Variants in WDR4 observed in about 807,000 individuals in gnomAD.
The protein encoded by WDR4 is WDR4 tRNA N7-guanosine methyltransferase non-catalytic subunit, also known as tRNA (guanine-N(7)-)-methyltransferase non-catalytic subunit WDR4.
Under a neutral mutation model 48.6 loss-of-function variants are expected in WDR4, and 47 were observed. That is an observed-to-expected ratio of 0.97 (90% CI 0.77 to 1.23). The LOEUF (loss-of-function observed/expected upper bound fraction) is 1.23, where lower values mean the gene tolerates loss of function less well. WDR4 is among the 50% of genes most tolerant of loss of function. The pLI is 0.00. For missense variants in WDR4, 606 were observed against 551.6 expected, an observed-to-expected ratio of 1.10 and a Z score of -0.99; for synonymous variants, 268 against 230.0, an observed-to-expected ratio of 1.17 and a Z score of -1.49.
rs149392841 is a variant in WDR4, at chr21:42,855,719, G to T, written c.689C>A (p.Ala230Asp). 2 of 1,555,586 alleles carry T rather than the reference G, an allele frequency of 1.3e-6. No homozygotes were observed. The highest frequency in any genetic ancestry group is 1.7e-6 in the Non-Finnish European group (2 of 1,149,324). ...SGRQLHCCHL[A>D]SLQELVDPQA... ...GGGGTCCACCAGCTCCTGCAGACTGGCCAGGTGACAGCAGTGCAGCTGGCG... is the reference window on the plus strand; with the variant it reads ...GGGGTCCACCAGCTCCTGCAGACTGTCCAGGTGACAGCAGTGCAGCTGGCG... Residue 230 changes from alanine (A) to aspartate (D), a missense_variant, in exon 7 of 11, where the codon GCC becomes GAC. Coordinates refer to ENST00000398208, the MANE Select transcript of WDR4 (RefSeq NM_018669.6).
chr21:42,876,823 ATTTTT>A (rs71332377), intron 1 of WDR4, 56 bp from the exon 2 acceptor site: 1 of 1,285,242 alleles, frequency 7.8e-7, no homozygotes, highest in African/African-American at 1.5e-5. Flanking sequence ...GAAATAACAA[ATTTTT>A]TTTTTTTGAG....
intron 6 of WDR4, among the ~76,000 whole-genome samples, chr21:42,859,010 A>G (rs2058055497): frequency 6.6e-6 from 1 of 152,174 alleles, no homozygotes; most frequent in Non-Finnish European, 1.5e-5. Context: ...CAAAATCACT[A>G]ACAATCCTTC....
chr21:42,858,914 C>T (rs778329558), intron 6 of WDR4, among the ~76,000 whole-genome samples: 4 of 152,216 alleles, frequency 2.6e-5, no homozygotes, highest in East Asian at 1.9e-4. Flanking sequence ...GGAAGGACAG[C>T]GAAGAGGAAG....
At chr21:42,889,213 C>T in the WDR4 span, among the ~76,000 whole-genome samples, 1 of 152,106 alleles carries the variant, frequency 6.6e-6, no homozygotes, top group Non-Finnish European at 1.5e-5. Flanking sequence ...AAACTCCTGA[C>T]CTCAGAAGAT....
chr21:42,879,747 C>G, upstream of WDR4: 1 of 502,488 alleles, frequency 2.0e-6, no homozygotes, highest in African/African-American at 1.9e-5. Context: ...GCACTTCGCA[C>G]GATTCCAAGT....
intron 8 of WDR4, among the ~76,000 whole-genome samples, chr21:42,854,241 C>G (rs983999794): frequency 2.0e-5 from 3 of 152,250 alleles, no homozygotes; most frequent in Admixed American, 6.5e-5. Flanking sequence ...CCCATCCGAC[C>G]AGCCCCGAGC....
intron 3 of WDR4, among the ~76,000 whole-genome samples, chr21:42,864,129 A>T: frequency 6.9e-6 from 1 of 145,726 alleles, no homozygotes; most frequent in Non-Finnish European, 1.5e-5. Flanking sequence ...AAAAAAAAAA[A>T]AGAAAAGAAT....
At chr21:42,870,578 C>G (rs916096890) in intron 3 of WDR4, among the ~76,000 whole-genome samples, 1 of 83,726 alleles carries the variant, frequency 1.2e-5, no homozygotes, top group Non-Finnish European at 2.3e-5. Context: ...ACCTTGAGGT[C>G]AGAGTTCGAA....
chr21:42,862,243 G>T lies in WDR4; in HGVS notation c.566+39C>A. The T allele has an allele frequency of 6.5e-7, 1 of 1,544,810 alleles. No individual in the cohort carries two copies. The highest frequency in any genetic ancestry group is 1.2e-5 in the South Asian group (1 of 85,464). ...CGCAAGCTGACGCTGTTTTCAAACA[G>T]ACCTTCTTTCTGCTGGAGGGGCAGG... On this transcript the variant is annotated intron_variant, in intron 5 of 10. Transcript: ENST00000398208. The surrounding 1 kb of genome is among the most constrained non-coding windows in gnomAD (Gnocchi z 4.3).
At position 42,850,069 on chromosome 21, in the gene WDR4, C is replaced by A. The variant is rs771861414; in HGVS notation, c.1219G>T (p.Glu407Ter). 1 of 1,614,032 alleles carries A rather than the reference C, an allele frequency of 6.2e-7. No homozygotes were observed. The highest frequency in any genetic ancestry group is 8.5e-7 in the Non-Finnish European group (1 of 1,179,974). The change falls in exon 11 of 11, where the codon GAG becomes TAG. Residue 407 changes from glutamate (E) to a stop codon, truncating the protein, a stop_gained. Transcript: ENST00000398208. LOFTEE classifies it high-confidence loss of function. ...DGHAKKMRPG[E>*]ATLSC ...CACGATCAGCAACTTAGCGTCGCCT[C>A]CCCCGGTCTCATCTTCTTGGCATGC... is the stretch of plus-strand genomic sequence containing the variant.
chr21:42,869,542 C>T (rs2058321523), intron 3 of WDR4, among the ~76,000 whole-genome samples: 1 of 152,050 alleles, frequency 6.6e-6, no homozygotes, highest in African/African-American at 2.4e-5. Context: ...ACAGAAAGGC[C>T]GTGTGAGAAA....
chr21:42,860,129 TGGGGGAGACTCAAAGACAC>T (rs992699729), intron 5 of WDR4, among the ~76,000 whole-genome samples: 31 of 151,932 alleles, frequency 2.0e-4, no homozygotes, highest in Admixed American at 3.9e-4. Context: ...AAAGGAGCCT[TGGGGGAGACTCAAAGACAC>T]GGGGGAGACT....
intron 3 of WDR4, 56 bp downstream of exon 3, chr21:42,873,495 T>C: frequency 1.9e-6 from 3 of 1,602,974 alleles, no homozygotes; most frequent in Non-Finnish European, 2.6e-6. Context: ...GCTACAGGCA[T>C]GCAAGGATAA....
rs763422887 is a variant in WDR4 at position 42,862,308 on chromosome 21, G to C, written c.540C>G (p.Ile180Met). Residue 180 changes from isoleucine to methionine, a missense_variant, in exon 5 of 11, where the codon ATC becomes ATG. Physicochemically the swap from Ile to Met is conservative, Grantham distance 10 (BLOSUM62 1). Transcript: ENST00000398208. This position sits in a 1 kb window ranked among gnomAD's most constrained non-coding sequence, Gnocchi z 4.3. ...RVSWAAAPHSIESFCLGHTEF... is the reference protein window; with the variant it reads ...RVSWAAAPHSMESFCLGHTEF... ...CTGTGTGCCCCAAGCAGAAGGACTC[G>C]ATGCTATGGGGCGCCGCGGCCCAGC... 2 of 1,610,726 alleles carry C rather than the reference G, an allele frequency of 1.2e-6. No homozygotes were observed. Among genetic ancestry groups the C allele is most frequent in the East Asian group, 2.2e-5 (1 of 44,810 alleles).
chr21:42,873,091 C>CA (rs1275595197), intron 3 of WDR4, among the ~76,000 whole-genome samples: 3 of 152,180 alleles, frequency 2.0e-5, no homozygotes, highest in Non-Finnish European at 4.4e-5. Context: ...TTCAGATACT[C>CA]AGACATATGT....
chr21:42,865,997 G>A (rs528232955), intron 3 of WDR4, among the ~76,000 whole-genome samples: 166 of 152,200 alleles, frequency 1.1e-3, no homozygotes, highest in African/African-American at 3.7e-3. Flanking sequence ...GCAGCCAGGT[G>A]CTCTCTCTCC....
chr21:42,885,843 A>C, the WDR4 span, among the ~76,000 whole-genome samples: 1 of 152,136 alleles, frequency 6.6e-6, no homozygotes, highest in East Asian at 1.9e-4. Context: ...CTACAGGTGT[A>C]CATGACCATG....
Position 42,879,507 on chromosome 21 carries a change from C to T in WDR4, c.-12G>A. On this transcript the variant is annotated 5_prime_UTR_variant, in exon 1 of 11. Transcript: ENST00000398208. ...ACAGAGCCCGCCATGTACCCGCCCG[C>T]CTCACCGCCATACACATGTGCCAGC... is the stretch of plus-strand genomic sequence containing the variant. The T allele has an allele frequency of 3.1e-6, 5 of 1,613,044 alleles. No homozygotes were observed. The highest frequency in any genetic ancestry group is 3.4e-6 in the Non-Finnish European group (4 of 1,179,826).
At position 42,849,483 on chromosome 21, in the gene WDR4, G is replaced by C. The variant is rs1161883564; in HGVS notation, c.*566C>G. 6.6e-6 allele frequency: 1 copy of C among 152,362 alleles called. No individual in the cohort carries two copies. Among genetic ancestry groups the C allele is most frequent in the Non-Finnish European group, 1.5e-5 (1 of 68,178 alleles). The allele number at this position is 152,362 out of a possible 1,614,324, so 9.4% of individuals were successfully genotyped here. On this transcript the variant is annotated 3_prime_UTR_variant, in exon 11 of 11. Coordinates refer to ENST00000398208, the MANE Select transcript of WDR4 (RefSeq NM_018669.6). ...ACAGAGCTCCCTGCGACTCCGAAACGTGTTTCTCACTTCCCACAAGGGAGC... is the reference window on the plus strand; with the variant it reads ...ACAGAGCTCCCTGCGACTCCGAAACCTGTTTCTCACTTCCCACAAGGGAGC...
Sources: gnomAD v4.1 joint callset for allele counts (sites outside exome capture counted in the v4.1 genomes callset) on GRCh38, gnomAD v4.1.1 for gene constraint, Gnocchi (gnomAD v3.1) non-coding constraint, MANE v1.5 for transcripts, NCBI Gene and HGNC (gene_info 2026-07-23, HGNC 2026-07-21) for gene names.